ZNRF1: variants seen among roughly 807,000 people sequenced by gnomAD.
ZNRF1 encodes E3 ubiquitin-protein ligase ZNRF1.
Under a neutral mutation model 18.4 loss-of-function variants are expected in ZNRF1, and 3 were observed. That is an observed-to-expected ratio of 0.16 (90% CI 0.07 to 0.42). The LOEUF is 0.42. ZNRF1 is among the 10% of genes least tolerant of loss of function. ZNRF1 has a pLI of 0.99. For missense variants in ZNRF1, 310 were observed against 329.8 expected (o/e 0.94, Z 0.47); for synonymous variants, 157 against 144.2 (o/e 1.09, Z -0.64).
At chr16:75,102,691 C>T (rs2145429722) in intron 2 of ZNRF1, among the ~76,000 whole-genome samples, 1 of 152,328 alleles carries the variant, frequency 6.6e-6, no homozygotes, top group Non-Finnish European at 1.5e-5. Flanking sequence ...CACATCCATG[C>T]CTGGCACCCA....
intron 1 of ZNRF1, among the ~76,000 whole-genome samples, chr16:75,036,898 A>G (rs2035383098): frequency 6.6e-6 from 1 of 152,184 alleles, no homozygotes; most frequent in Non-Finnish European, 1.5e-5. Flanking sequence ...AGATGCTTGG[A>G]CTATGCAGCA....
chr16:75,024,302 G>T (rs943212521), intron 1 of ZNRF1, among the ~76,000 whole-genome samples: 1 of 152,172 alleles, frequency 6.6e-6, no homozygotes, highest in Non-Finnish European at 1.5e-5. Context: ...TTAAGAGAAG[G>T]CATATTGTTA....
intron 1 of ZNRF1, among the ~76,000 whole-genome samples, chr16:75,086,782 C>T (rs1209649340): frequency 6.6e-6 from 1 of 152,212 alleles, no homozygotes. Flanking sequence ...CTCTGAGCTC[C>T]TCAGCCAAGA....
intron 1 of ZNRF1, among the ~76,000 whole-genome samples, chr16:75,033,381 G>A (rs189488719): frequency 3.3e-5 from 5 of 151,158 alleles, no homozygotes; most frequent in South Asian, 2.1e-4. Flanking sequence ...TCATGAACAC[G>A]GTATTTCTCT....
At chr16:75,099,594 T>C (rs779752057) in intron 2 of ZNRF1, among the ~76,000 whole-genome samples, 4 of 152,210 alleles carry the variant, frequency 2.6e-5, no homozygotes, top group Non-Finnish European at 4.4e-5. Context: ...TGGGAGGTGC[T>C]TCAGAGGTAG....
intron 1 of ZNRF1, among the ~76,000 whole-genome samples, chr16:75,038,077 A>C (rs1298553359): frequency 6.6e-6 from 1 of 152,240 alleles, no homozygotes; most frequent in Non-Finnish European, 1.5e-5. Flanking sequence ...ATTCTAGGGC[A>C]GACTTGAAGC....
At chr16:75,080,394 C>G (rs575459913) in intron 1 of ZNRF1, among the ~76,000 whole-genome samples, 1 of 152,316 alleles carries the variant, frequency 6.6e-6, no homozygotes, top group South Asian at 2.1e-4. Context: ...TATGAGCAGT[C>G]ACTTACATGT....
intron 1 of ZNRF1, among the ~76,000 whole-genome samples, chr16:75,079,840 G>C (rs1214031717): frequency 6.6e-6 from 1 of 152,246 alleles, no homozygotes; most frequent in South Asian, 2.1e-4. Context: ...CTGGGTCCAA[G>C]GCAGGAAGGT....
At chr16:75,078,296 CTTTTTTTTTTTT>C (rs36075131) in intron 1 of ZNRF1, among the ~76,000 whole-genome samples, 2 of 113,128 alleles carry the variant, frequency 1.8e-5, no homozygotes, top group Non-Finnish European at 3.5e-5. Flanking sequence ...TCTTTCTTTC[CTTTTTTTTTTTT>C]TTTTTTTTTT....
chr16:75,074,894 C>G (rs1040071923), intron 1 of ZNRF1, among the ~76,000 whole-genome samples: 1 of 152,058 alleles, frequency 6.6e-6, no homozygotes, highest in Non-Finnish European at 1.5e-5. Context: ...ATAACAAGGC[C>G]CTGTCTCTAT....
intron 1 of ZNRF1, among the ~76,000 whole-genome samples, chr16:75,053,146 C>A (rs1173537338): frequency 6.6e-6 from 1 of 152,164 alleles, no homozygotes; most frequent in Non-Finnish European, 1.5e-5. Flanking sequence ...CTTTATCTCA[C>A]TTCCCACCCC....
intron 1 of ZNRF1, among the ~76,000 whole-genome samples, chr16:75,086,205 C>G (rs1312764698): frequency 6.6e-6 from 1 of 152,118 alleles, no homozygotes; most frequent in Non-Finnish European, 1.5e-5. Context: ...ACAGTCACAC[C>G]AAAAATAATG....
At chr16:75,008,225 C>A (rs1295978220) in intron 1 of ZNRF1, among the ~76,000 whole-genome samples, 1 of 152,132 alleles carries the variant, frequency 6.6e-6, no homozygotes, top group African/African-American at 2.4e-5. Flanking sequence ...GCAATCTCTA[C>A]AGCTCGCAGA....
intron 1 of ZNRF1, among the ~76,000 whole-genome samples, chr16:75,042,515 C>T (rs905247936): frequency 2.0e-5 from 3 of 147,770 alleles, no homozygotes; most frequent in East Asian, 4.0e-4. Context: ...AAAGACCATC[C>T]TTTCTTCCTG....
chr16:75,022,492 G>A (rs1470677622), intron 1 of ZNRF1, among the ~76,000 whole-genome samples: 1 of 151,786 alleles, frequency 6.6e-6, no homozygotes, highest in Non-Finnish European at 1.5e-5. Flanking sequence ...CGTGAACCCG[G>A]GAGGCGGAGC....
At chr16:75,052,563 GTCC>G (rs1597882557) in intron 1 of ZNRF1, among the ~76,000 whole-genome samples, 1 of 152,244 alleles carries the variant, frequency 6.6e-6, no homozygotes, top group Middle Eastern at 3.4e-3. Context: ...GGATGTGAAA[GTCC>G]TCCTCCAGGT....
intron 1 of ZNRF1, among the ~76,000 whole-genome samples, chr16:75,060,787 G>A (rs888634569): frequency 1.3e-5 from 2 of 152,070 alleles, no homozygotes; most frequent in Non-Finnish European, 2.9e-5. Flanking sequence ...CAGAAACTTG[G>A]ATTTTAATCT....
chr16:75,010,711 G>GTGTTTTTTTTTT (rs1367958306), intron 1 of ZNRF1, among the ~76,000 whole-genome samples: 4 of 74,322 alleles, frequency 5.4e-5, no homozygotes, highest in African/African-American at 1.6e-4. Context: ...GTTTTTTTTT[G>GTGTTTTTTTTTT]TTTTTTTGTT....
chr16:74,999,784 G>T lies in ZNRF1; in HGVS notation c.113G>T (p.Arg38Leu). 1 of 1,413,418 alleles carries T rather than the reference G, an allele frequency of 7.1e-7. No homozygotes were observed. The highest frequency in any genetic ancestry group is 9.2e-7 in the Non-Finnish European group (1 of 1,090,354). 87.6% of individuals were successfully genotyped at this position (1,413,418 alleles called of 1,614,324 possible). The change falls in exon 1 of 5, where the codon CGG (arginine) becomes CTG (leucine). Residue 38 changes from arginine to leucine, a missense_variant. Physicochemically the swap from Arg to Leu is moderately radical, Grantham distance 102 (BLOSUM62 -2). Coordinates refer to ENST00000335325, the MANE Select transcript of ZNRF1 (RefSeq NM_032268.5). ...GGGGCGCCCCATTTCGGGCACTACCGGACGGGCGGCGGGGCCATGGGGCTG... is the reference window on the plus strand; with the variant it reads ...GGGGCGCCCCATTTCGGGCACTACCTGACGGGCGGCGGGGCCATGGGGCTG... ...PGGAPHFGHY[R>L]TGGGAMGLRS...
Sources: allele counts gnomAD v4.1 joint callset (sites outside exome capture counted in the v4.1 genomes callset), GRCh38; gene constraint gnomAD v4.1.1; transcripts MANE v1.5; gene names NCBI Gene and HGNC (gene_info 2026-07-23, HGNC 2026-07-21).